Variants in TRIM3 observed in about 807,000 individuals in gnomAD.
TRIM3 encodes tripartite motif-containing protein 3.
TRIM3 carries 13 observed loss-of-function variants against 66.6 expected under a neutral mutation model. The observed-to-expected ratio is 0.20, with a 90% CI of 0.13 to 0.31. The LOEUF (loss-of-function observed/expected upper bound fraction) is 0.31, where lower values mean the gene tolerates loss of function less well. Ranked by LOEUF, TRIM3 falls within the 10% of genes least tolerant of loss-of-function variation. The pLI, the probability that TRIM3 is intolerant of heterozygous loss-of-function variation, is 1.00. For missense variants in TRIM3, 711 were observed against 1,020.4 expected (o/e 0.70, Z 4.13); for synonymous variants, 406 against 411.7 (o/e 0.99, Z 0.17).
In TRIM3 at chr11:6,454,419, GC is replaced by G. The variant is rs199634071; in HGVS notation, c.1533+1652del. On this transcript the variant is annotated intron_variant, in intron 7 of 11. Transcript: ENST00000345851. ...AAAAAAAAAACTATGAGGAAGTTCA[GC>G]CCCCTCACCAGGACAGACAAAGTGG... Among the ~76,000 whole-genome samples, 1,228 of 150,094 alleles carry G rather than the reference GC, an allele frequency of 8.2e-3. 20 individuals are homozygous for G. The highest frequency in any genetic ancestry group is 0.028 in the African/African-American group (1,165 of 41,010).
Position 6,458,231 on chromosome 11 carries a change from G to GAC in TRIM3, c.195_196dup (p.Ser66CysfsTer43), listed in dbSNP as rs746510715. 6.2e-7 allele frequency: 1 copy of GAC among 1,614,140 alleles called. No individual in the cohort carries two copies. The highest frequency in any genetic ancestry group is 8.5e-7 in the Non-Finnish European group (1 of 1,180,066). On this transcript the variant is annotated frameshift_variant, in exon 3 of 12. Transcript: ENST00000345851. LOFTEE classifies it high-confidence loss of function. This position sits in a 1 kb window ranked among gnomAD's most constrained non-coding sequence, Gnocchi z 6.2. ...CGAGACGCCCTGCTCTGGGAGGATGGACGTCTGCCGGCATACTGGACAGGA... is the reference window on the plus strand; with the variant it reads ...CGAGACGCCCTGCTCTGGGAGGATGGACACGTCTGCCGGCATACTGGACAGGA...
chr11:6,452,665 G>A (rs556173636), intron 7 of TRIM3: 1 of 152,370 alleles, frequency 6.6e-6, no homozygotes, highest in South Asian at 2.1e-4. Context: ...GTGGTCCCCT[G>A]TGGCAGGACA....
chr11:6,462,351 G>A (rs749223150), intron 2 of TRIM3, among the ~76,000 whole-genome samples: 3 of 152,132 alleles, frequency 2.0e-5, no homozygotes, highest in Non-Finnish European at 4.4e-5. Context: ...AGTGAAAACT[G>A]GATTCAGATC....
intron 2 of TRIM3, among the ~76,000 whole-genome samples, chr11:6,461,421 T>C (rs1364051307): frequency 6.6e-6 from 1 of 152,194 alleles, no homozygotes; most frequent in African/African-American, 2.4e-5. Context: ...ACCTAATGGT[T>C]GCCCCCACTT....
intron 2 of TRIM3, among the ~76,000 whole-genome samples, chr11:6,463,393 T>C (rs1024928015): frequency 6.6e-6 from 1 of 152,250 alleles, no homozygotes; most frequent in African/African-American, 2.4e-5. Flanking sequence ...TGGTAGCTAC[T>C]GTTATTACAA....
At chr11:6,461,080 A>G (rs532487167) in intron 2 of TRIM3, among the ~76,000 whole-genome samples, 12 of 151,412 alleles carry the variant, frequency 7.9e-5, no homozygotes, top group African/African-American at 2.9e-4. Context: ...TAATTTTTGT[A>G]TTTTTAGTAG....
chr11:6,460,010 T>A (rs893113403), intron 2 of TRIM3, among the ~76,000 whole-genome samples: 1 of 151,854 alleles, frequency 6.6e-6, no homozygotes, highest in East Asian at 1.9e-4. Flanking sequence ...GAGGATGAGA[T>A]CAGACAAGAA....
chr11:6,455,997 C>T (rs995014540), intron 7 of TRIM3, 75 bp downstream of exon 7: 67 of 1,431,626 alleles, frequency 4.7e-5, no homozygotes, highest in Non-Finnish European at 6.6e-5. Flanking sequence ...GTGACCTGTA[C>T]ATTCTATCTT....
rs780324727 is a variant in TRIM3, at chr11:6,450,967, C to T, written c.1795G>A (p.Val599Ile). Reference protein sequence around the residue: ...IIVVDNKSCCVFTFQPNGKLV... With the variant: ...IIVVDNKSCCIFTFQPNGKLV... ...TTGCCATTGGGCTGGAAGGTAAAGA[C>T]GCAGCAAGACTTGTTGTCGACCACA... The change falls in exon 9 of 12, where the codon GTC becomes ATC. Residue 599 changes from valine (V) to isoleucine (I), a missense_variant. Val to Ile is a conservative substitution (Grantham distance 29). Coordinates refer to ENST00000345851, the MANE Select transcript of TRIM3 (RefSeq NM_033278.4). This position sits in a 1 kb window ranked among gnomAD's most constrained non-coding sequence, Gnocchi z 4.8. 3.7e-6 allele frequency: 6 copies of T among 1,614,210 alleles called. No homozygotes were observed. Among genetic ancestry groups the T allele is most frequent in the South Asian group, 2.2e-5 (2 of 91,086 alleles).
rs544959608 is a variant in TRIM3 at position 6,464,986 on chromosome 11, CAAAAAAAAAAA to C, written c.131+568_131+578del. On this transcript the variant is annotated intron_variant, in intron 2 of 11. Transcript: ENST00000345851. Reference sequence around the variant, plus strand: ...TGGGCAACAGAGCGAGACTCCATCTCAAAAAAAAAAAAAAAAAAAAAAAAAGAGTAAGGATC... The same window carrying C: ...TGGGCAACAGAGCGAGACTCCATCTCAAAAAAAAAAAAAAGAGTAAGGATC... 4.2e-4 allele frequency among the ~76,000 whole-genome samples: 23 copies of C among 54,178 alleles called. No individual in the cohort carries two copies. In the South Asian group the frequency reaches 0.013, roughly 29 times the overall value. 35.5% of individuals were successfully genotyped at this position (54,178 alleles called of 152,430 possible). A position where few individuals can be genotyped will look rare whatever the true frequency, so the allele number is the denominator to read the frequency against.
intron 7 of TRIM3, chr11:6,452,623 C>T (rs16913704): frequency 0.016 from 2,424 of 152,044 alleles, 62 homozygotes; most frequent in African/African-American, 0.053. Flanking sequence ...AAGCTCTTCT[C>T]TGGCTGACCA....
Position 6,461,854 on chromosome 11 carries a change from G to GTA in TRIM3, c.132-3560_132-3559dup, listed in dbSNP as rs148981301. ...ACTTTTTACATTACATTATTTCCCT[G>GTA]TATATATATATTTTTAAAAACTCCA... On this transcript the variant is annotated intron_variant, in intron 2 of 11. Transcript: ENST00000345851. Among the ~76,000 whole-genome samples the GTA allele has an allele frequency of 6.1e-3, 928 of 151,950 alleles. 11 individuals are homozygous for GTA. Among genetic ancestry groups the GTA allele is most frequent in the African/African-American group, 0.022 (894 of 41,400 alleles).
intron 2 of TRIM3, among the ~76,000 whole-genome samples, chr11:6,462,623 G>C (rs1313480165): frequency 2.0e-5 from 3 of 151,992 alleles, no homozygotes; most frequent in Non-Finnish European, 4.4e-5. Context: ...TGTTTCCCAA[G>C]CTACTCTGGA....
intron 7 of TRIM3, among the ~76,000 whole-genome samples, chr11:6,455,185 A>C (rs1008172822): frequency 1.3e-5 from 2 of 152,190 alleles, no homozygotes; most frequent in Admixed American, 1.3e-4. Context: ...AGCTAACATC[A>C]GAAGTTTCAC....
intron 2 of TRIM3, among the ~76,000 whole-genome samples, chr11:6,462,825 G>A (rs1322670194): frequency 2.0e-5 from 3 of 152,024 alleles, no homozygotes; most frequent in African/African-American, 4.8e-5. Flanking sequence ...AGGAGGCTGA[G>A]GCAGGAGGAT....
chr11:6,463,775 T>A (rs940966462), intron 2 of TRIM3, among the ~76,000 whole-genome samples: 4 of 151,236 alleles, frequency 2.6e-5, no homozygotes, highest in African/African-American at 7.3e-5. Context: ...TGGGAGGGAG[T>A]GTTACTGAGG....
intron 1 of TRIM3, among the ~76,000 whole-genome samples, chr11:6,465,967 G>A (rs1221080200): frequency 6.6e-6 from 1 of 152,218 alleles, no homozygotes; most frequent in Admixed American, 6.5e-5. Flanking sequence ...CACCAGCTAT[G>A]TGAGCTTGGA....
chr11:6,459,114 A>G (rs1370247488), intron 2 of TRIM3, among the ~76,000 whole-genome samples: 1 of 152,238 alleles, frequency 6.6e-6, no homozygotes, highest in African/African-American at 2.4e-5. Flanking sequence ...GAGTTGATGC[A>G]AACTAAATCT....
At chr11:6,466,663 G>A (rs372891120) in intron 1 of TRIM3, among the ~76,000 whole-genome samples, 25 of 146,446 alleles carry the variant, frequency 1.7e-4, no homozygotes, top group African/African-American at 5.4e-4. Flanking sequence ...TCAGGCATTC[G>A]TTCTCTCTGT....
Sources: allele counts gnomAD v4.1 joint callset (sites outside exome capture counted in the v4.1 genomes callset), GRCh38; gene constraint gnomAD v4.1.1; non-coding constraint Gnocchi (gnomAD v3.1); transcripts MANE v1.5; gene names NCBI Gene and HGNC (gene_info 2026-07-23, HGNC 2026-07-21).